The following NAV1 variants were observed in gnomAD, a reference collection of about 807,000 sequenced individuals.
The protein encoded by NAV1 is pore membrane and/or filament interacting like protein 3.
In NAV1, 18 loss-of-function variants were observed where a neutral mutation model predicts 175.2. The ratio of observed to expected loss-of-function variants is 0.10; its 90% CI spans 0.07 to 0.15. The LOEUF is 0.15. Ranked by LOEUF, NAV1 falls within the 10% of genes least tolerant of loss-of-function variation. The pLI, the probability that NAV1 is intolerant of heterozygous loss-of-function variation, is 1.00. For missense variants in NAV1, 1,731 were observed against 2,436.6 expected, an observed-to-expected ratio of 0.71 and a Z score of 6.10; for synonymous variants, 897 against 978.7, an observed-to-expected ratio of 0.92 and a Z score of 1.56.
At position 201,810,326 on chromosome 1, in the gene NAV1, C is replaced by G. The variant is rs1161678297; in HGVS notation, c.4562-197C>G. Among the ~76,000 whole-genome samples, 2 of 152,058 alleles carry G rather than the reference C, an allele frequency of 1.3e-5. No individual in the cohort carries two copies. Among genetic ancestry groups the G allele is most frequent in the African/African-American group, 2.4e-5 (1 of 41,388 alleles). Reference sequence around the variant, plus strand: ...TTGGCTTCTTGCTTCACTCCTCACCCCCAGCTCACAGCATGTCCCTAAAAA... The same window carrying G: ...TTGGCTTCTTGCTTCACTCCTCACCGCCAGCTCACAGCATGTCCCTAAAAA... On this transcript the variant is annotated intron_variant, in intron 23 of 29. Transcript: ENST00000367296. The surrounding 1 kb of genome is among the most constrained non-coding windows in gnomAD (Gnocchi z 6.0).
At chr1:201,684,031 T>C (rs1670572534) in intron 1 of NAV1, among the ~76,000 whole-genome samples, 1 of 152,264 alleles carries the variant, frequency 6.6e-6, no homozygotes, top group Non-Finnish European at 1.5e-5. Flanking sequence ...TATTTTGTTT[T>C]CAAAATTGTT....
At chr1:201,696,295 G>A (rs1471836125) in intron 1 of NAV1, among the ~76,000 whole-genome samples, 7 of 152,338 alleles carry the variant, frequency 4.6e-5, no homozygotes, top group African/African-American at 1.2e-4. Context: ...GGAATCGGGC[G>A]GAAGAGGAGG....
At chr1:201,644,556 C>A (rs1468386563), upstream of NAV1, among the ~76,000 whole-genome samples, 1 of 152,146 alleles carries the variant, frequency 6.6e-6, no homozygotes, top group Non-Finnish European at 1.5e-5. Flanking sequence ...ATAGCAAGAC[C>A]CTTTAAAGAA....
At chr1:201,776,728 T>C (rs1034680798) in intron 3 of NAV1, among the ~76,000 whole-genome samples, 7 of 151,386 alleles carry the variant, frequency 4.6e-5, no homozygotes, top group African/African-American at 1.7e-4. Flanking sequence ...ATCTGTTAAC[T>C]GAATTACAAA....
At chr1:201,826,549 G>C (rs1679684538) in exon 30 of NAV1, 1 of 152,160 alleles carries the variant, frequency 6.6e-6, no homozygotes, top group Admixed American at 6.5e-5. Context: ...TGTTCCTCAG[G>C]TGGAGAGTGG....
At chr1:201,547,821 G>A (rs1665713932) in intron 1 of NAV1, among the ~76,000 whole-genome samples, 1 of 152,134 alleles carries the variant, frequency 6.6e-6, no homozygotes, top group African/African-American at 2.4e-5. Flanking sequence ...TTGAGACGGA[G>A]TCTTGCTCTG....
exon 9 of NAV1, chr1:201,786,463 A>G (rs1458795004): frequency 1.9e-6 from 3 of 1,613,650 alleles, no homozygotes; most frequent in Non-Finnish European, 2.5e-6. Flanking sequence ...GACCAAGGAG[A>G]GGCGACATTC....
chr1:201,761,173 C>T (rs1571465814), intron 3 of NAV1, among the ~76,000 whole-genome samples: 2 of 151,950 alleles, frequency 1.3e-5, no homozygotes, highest in South Asian at 4.2e-4. Flanking sequence ...CTAAAGAAGA[C>T]GTTGGAAAGT....
chr1:201,577,472 ATTTTTT>A (rs36112197), intron 1 of NAV1, among the ~76,000 whole-genome samples: 1 of 97,912 alleles, frequency 1.0e-5, no homozygotes, highest in Non-Finnish European at 2.1e-5. Context: ...TGAGACTTAG[ATTTTTT>A]TTTTTTTTTT....
At chr1:201,578,841 A>G (rs544526540) in intron 1 of NAV1, among the ~76,000 whole-genome samples, 36 of 152,040 alleles carry the variant, frequency 2.4e-4, no homozygotes, top group Non-Finnish European at 4.3e-4. Flanking sequence ...TATCATCTAA[A>G]AGTTTTCTGG....
chr1:201,646,056 G>A (rs1401582915), upstream of NAV1, among the ~76,000 whole-genome samples: 2 of 152,208 alleles, frequency 1.3e-5, no homozygotes, highest in African/African-American at 4.8e-5. Flanking sequence ...TTGATCCCTT[G>A]CTTGAGCTGG....
chr1:201,666,435 G>A (rs1241591571), intron 1 of NAV1, among the ~76,000 whole-genome samples: 1 of 152,206 alleles, frequency 6.6e-6, no homozygotes, highest in Non-Finnish European at 1.5e-5. Flanking sequence ...CAGATGGGGT[G>A]GGGGATGGTT....
chr1:201,656,338 T>C lies in NAV1; in HGVS notation c.757+6913T>C, dbSNP rs565320173. Reference sequence around the variant, plus strand: ...GTGTGGAAAGCAGGGACAAGTGCAGTCCCAAGCCCCAGTATGCTGTGTGTG... The same window carrying C: ...GTGTGGAAAGCAGGGACAAGTGCAGCCCCAAGCCCCAGTATGCTGTGTGTG... On this transcript the variant is annotated intron_variant, in intron 1 of 29. Coordinates refer to ENST00000367296, the Ensembl canonical transcript of NAV1. Among the ~76,000 whole-genome samples the C allele has an allele frequency of 3.9e-5, 6 of 152,330 alleles. No homozygotes were observed. In the East Asian group the frequency reaches 1.2e-3, roughly 29 times the overall value.
chr1:201,676,563 C>T (rs570978467), intron 1 of NAV1, among the ~76,000 whole-genome samples: 1 of 152,210 alleles, frequency 6.6e-6, no homozygotes, highest in East Asian at 1.9e-4. Context: ...AGCTGACTCG[C>T]AGGAAATAGT....
rs1378445340 is a variant in NAV1, at chr1:201,602,636, TGTTTTTTTTTTTTG to T, written c.-33+14001_-33+14014del. On this transcript the variant is annotated intron_variant, in intron 2 of 33. Transcript: ENST00000685211. ...AGCCACTGCACCTAGACTTAAGCTA[TGTTTTTTTTTTTTG>T]GTTTTTTTTTTTTTTGGTTTTTTTT... Among the ~76,000 whole-genome samples the T allele has an allele frequency of 5.0e-3, 687 of 138,440 alleles. 6 individuals are homozygous for T. The highest frequency in any genetic ancestry group is 7.9e-3 in the Non-Finnish European group (514 of 65,222). 90.8% of individuals were successfully genotyped at this position (138,440 alleles called of 152,430 possible).
chr1:201,620,089 T>C (rs919276772), upstream of NAV1, among the ~76,000 whole-genome samples: 8 of 152,228 alleles, frequency 5.3e-5, no homozygotes, highest in Non-Finnish European at 8.8e-5. Context: ...TAAAAATCCA[T>C]TAATGCTTAA....
chr1:201,563,143 C>G (rs537336826), intron 1 of NAV1, among the ~76,000 whole-genome samples: 1 of 152,126 alleles, frequency 6.6e-6, no homozygotes, highest in Non-Finnish European at 1.5e-5. Context: ...GTGACCGGAT[C>G]GTCAGAGGGT....
upstream of NAV1, among the ~76,000 whole-genome samples, chr1:201,646,384 C>T (rs1213660975): frequency 2.6e-5 from 4 of 152,166 alleles, no homozygotes; most frequent in Non-Finnish European, 5.9e-5. Flanking sequence ...ATATATACAC[C>T]CATGTCCGTC....
chr1:201,655,688 C>T (rs1021985713), intron 1 of NAV1, among the ~76,000 whole-genome samples: 2 of 152,198 alleles, frequency 1.3e-5, no homozygotes, highest in Non-Finnish European at 2.9e-5. Context: ...GAAGATGCCC[C>T]AGGAACTGTT....
Sources: allele counts gnomAD v4.1 joint callset (sites outside exome capture counted in the v4.1 genomes callset), GRCh38; gene constraint gnomAD v4.1.1; non-coding constraint Gnocchi (gnomAD v3.1); transcripts MANE v1.5; gene names NCBI Gene and HGNC (gene_info 2026-07-23, HGNC 2026-07-21).